GABRA2: variants seen among roughly 807,000 people sequenced by gnomAD.
GABRA2 encodes the protein gamma-aminobutyric acid type A receptor subunit alpha2.
In GABRA2, 16 loss-of-function variants were observed where a neutral mutation model predicts 48.7. The ratio of observed to expected loss-of-function variants is 0.33; its 90% CI spans 0.22 to 0.50. The LOEUF is 0.50. Among genes scored for constraint, GABRA2 ranks in the 20% least tolerant of loss-of-function variants. The pLI is 0.98. For synonymous variants in GABRA2, 185 were observed against 184.5 expected (o/e 1.00, Z -0.02); for missense variants, 275 against 535.6 (o/e 0.51, Z 4.80).
At chr4:46,299,679 T>C (rs1419180333) in intron 8 of GABRA2, among the ~76,000 whole-genome samples, 2 of 51,218 alleles carry the variant, frequency 3.9e-5, no homozygotes, top group Admixed American at 2.2e-4. Context: ...TTCTTTCTTT[T>C]TTTTTTTTTT....
rs951859280 is a variant in GABRA2 at position 46,244,402 on chromosome 4, A to G, written c.*5906T>C. On this transcript the variant is annotated 3_prime_UTR_variant, in exon 10 of 10. Coordinates refer to ENST00000381620, the MANE Select transcript of GABRA2 (RefSeq NM_000807.4). ...GCCAATAATACAGTTTATATAGCCA[A>G]TGCAACATAGTTTGCCTTTTGGCAT... 7.2e-5 allele frequency among the ~76,000 whole-genome samples: 11 copies of G among 151,742 alleles called. No individual in the cohort carries two copies. Among genetic ancestry groups the G allele is most frequent in the African/African-American group, 2.6e-4 (11 of 41,518 alleles).
chr4:46,322,529 A>G (rs1222654442), intron 4 of GABRA2, among the ~76,000 whole-genome samples: 1 of 151,890 alleles, frequency 6.6e-6, no homozygotes, highest in East Asian at 1.9e-4. Flanking sequence ...CCTCTGATTT[A>G]TCATGCTGCA....
intron 4 of GABRA2, among the ~76,000 whole-genome samples, chr4:46,313,883 A>G (rs1198386212): frequency 6.6e-6 from 1 of 152,148 alleles, no homozygotes; most frequent in Non-Finnish European, 1.5e-5. Context: ...AGAACAGATA[A>G]AAAGGTCATA....
At chr4:46,349,380 A>C (rs1294331120) in intron 3 of GABRA2, among the ~76,000 whole-genome samples, 1 of 151,894 alleles carries the variant, frequency 6.6e-6, no homozygotes, top group Non-Finnish European at 1.5e-5. Context: ...ATCCTATCAC[A>C]CTTAAATATG....
intron 9 of GABRA2, among the ~76,000 whole-genome samples, chr4:46,258,092 T>C (rs1716204068): frequency 6.6e-6 from 1 of 151,772 alleles, no homozygotes; most frequent in Middle Eastern, 3.2e-3. Context: ...CCTCGTAAGT[T>C]AAAAGGTATG....
intron 4 of GABRA2, among the ~76,000 whole-genome samples, chr4:46,325,898 T>C (rs1730284497): frequency 6.6e-6 from 1 of 152,004 alleles, no homozygotes; most frequent in Non-Finnish European, 1.5e-5. Context: ...TGCGTGGCTT[T>C]ATTTCTGGGT....
At chr4:46,327,904 C>T (rs1730662554) in intron 4 of GABRA2, among the ~76,000 whole-genome samples, 1 of 152,008 alleles carries the variant, frequency 6.6e-6, no homozygotes, top group Non-Finnish European at 1.5e-5. Context: ...TCACAATAGA[C>T]AACCATTTGG....
intron 8 of GABRA2, among the ~76,000 whole-genome samples, chr4:46,266,875 C>T (rs1175371901): frequency 6.6e-6 from 1 of 151,840 alleles, no homozygotes; most frequent in Non-Finnish European, 1.5e-5. Flanking sequence ...GCATGCACCA[C>T]CACGTCCAGC....
chr4:46,352,450 T>C (rs1218795757), intron 3 of GABRA2, among the ~76,000 whole-genome samples: 2 of 152,040 alleles, frequency 1.3e-5, no homozygotes, highest in Non-Finnish European at 2.9e-5. Flanking sequence ...GAAATAATAA[T>C]GTCTGCTTCT....
At chr4:46,361,927 T>C (rs547077238) in intron 3 of GABRA2, among the ~76,000 whole-genome samples, 3 of 152,318 alleles carry the variant, frequency 2.0e-5, no homozygotes, top group African/African-American at 7.2e-5. Context: ...TTGGCCAATT[T>C]CTCCCATTTA....
chr4:46,378,530 A>T (rs1319582078), intron 3 of GABRA2, among the ~76,000 whole-genome samples: 2 of 151,298 alleles, frequency 1.3e-5, no homozygotes, highest in Non-Finnish European at 3.0e-5. Context: ...GCGGAAGGCC[A>T]CAGGGTCCTC....
chr4:46,329,817 C>T (rs1038723718), intron 4 of GABRA2, among the ~76,000 whole-genome samples: 6 of 151,966 alleles, frequency 3.9e-5, no homozygotes, highest in African/African-American at 1.2e-4. Flanking sequence ...TCCTCTAAAA[C>T]AACTGTTGGC....
chr4:46,390,232 G>GCCTCGATC (rs1032394952), upstream of GABRA2: 7 of 43,466 alleles, frequency 1.6e-4, no homozygotes, highest in Admixed American at 2.3e-3. Flanking sequence ...ACACTCCCCT[G>GCCTCGATC]CCTCGATCCC....
intron 8 of GABRA2, among the ~76,000 whole-genome samples, chr4:46,270,855 G>T (rs548339848): frequency 6.6e-6 from 1 of 151,916 alleles, no homozygotes; most frequent in South Asian, 2.1e-4. Context: ...TCAAACTAAG[G>T]TAGGTAGTTT....
At chr4:46,262,684 G>C (rs1326876092) in intron 8 of GABRA2, among the ~76,000 whole-genome samples, 1 of 151,986 alleles carries the variant, frequency 6.6e-6, no homozygotes, top group African/African-American at 2.4e-5. Context: ...TGGATCACAA[G>C]GTCAGGAGTT....
Position 46,389,804 on chromosome 4 carries a change from AG to A in GABRA2, c.-81del, listed in dbSNP as rs1560621366. 1 of 274,272 alleles carries A rather than the reference AG, an allele frequency of 3.6e-6. No homozygotes were observed. The highest frequency in any genetic ancestry group is 1.3e-4 in the African/African-American group (1 of 7,982). 17.0% of individuals were successfully genotyped at this position (274,272 alleles called of 1,614,324 possible). Reference sequence around the variant, plus strand: ...ATCTTGACGAGATAGGAAACTTGGGAGAGAGAGAGAGAGAGAGAGAGAGAGA... The same window carrying A: ...ATCTTGACGAGATAGGAAACTTGGGAAGAGAGAGAGAGAGAGAGAGAGAGA... On this transcript the variant is annotated 5_prime_UTR_variant, in exon 1 of 10. Coordinates refer to ENST00000381620, the MANE Select transcript of GABRA2 (RefSeq NM_000807.4).
intron 3 of GABRA2, among the ~76,000 whole-genome samples, chr4:46,377,714 C>T (rs1175489676): frequency 2.9e-5 from 4 of 137,852 alleles, no homozygotes; most frequent in African/African-American, 1.1e-4. Flanking sequence ...CCAGCCTCCC[C>T]GTCCGGGAGG....
chr4:46,300,911 C>T (rs1337952716), intron 8 of GABRA2, among the ~76,000 whole-genome samples: 1 of 152,026 alleles, frequency 6.6e-6, no homozygotes, highest in African/African-American at 2.4e-5. Context: ...CTTAACTTTT[C>T]CCCTACCTCT....
chr4:46,296,228 C>G (rs1054552531), intron 8 of GABRA2, among the ~76,000 whole-genome samples: 1 of 152,082 alleles, frequency 6.6e-6, no homozygotes, highest in African/African-American at 2.4e-5. Flanking sequence ...GAAGTGGCAC[C>G]ACTCACCATC....
Sources: allele counts gnomAD v4.1 joint callset (sites outside exome capture counted in the v4.1 genomes callset), GRCh38; gene constraint gnomAD v4.1.1; transcripts MANE v1.5; gene names NCBI Gene and HGNC (gene_info 2026-07-23, HGNC 2026-07-21).